The following IDI2 variants were observed in gnomAD, a reference collection of about 807,000 sequenced individuals.
The protein encoded by IDI2 is isopentenyl-diphosphate delta isomerase 2, also known as isopentenyl-diphosphate delta-isomerase 2.
In IDI2, 18 loss-of-function variants were observed where a neutral mutation model predicts 14.8. The ratio of observed to expected loss-of-function variants is 1.22; its 90% CI spans 0.84 to 1.80. The LOEUF is 1.80. Ranked by LOEUF, IDI2 falls within the 40% of genes most tolerant of loss-of-function variation. IDI2 has a pLI of 0.00. For synonymous variants in IDI2, 133 were observed against 109.6 expected, an observed-to-expected ratio of 1.21 and a Z score of -1.33; for missense variants, 316 against 283.2, an observed-to-expected ratio of 1.12 and a Z score of -0.83.
rs1362495261 is a variant in IDI2 at position 1,019,772 on chromosome 10, A to G, written c.429T>C (p.Ile143=). 2 of 1,613,986 alleles carry G rather than the reference A, an allele frequency of 1.2e-6. No individual in the cohort carries two copies. Among genetic ancestry groups the G allele is most frequent in the Middle Eastern group, 1.6e-4 (1 of 6,062 alleles). The change falls in exon 5 of 5, where the codon ATT becomes ATC. Residue 143 remains isoleucine (I), a synonymous_variant. Transcript: ENST00000277517. ...IYHHKAKSDR[I]WGEHEICYLL... is the part of the protein sequence containing the mutation. ...GGTAACAAATTTCATGCTCTCCCCAAATTCTGTCTGATTTTGCCTTGTGGT... is the reference window on the plus strand; with the variant it reads ...GGTAACAAATTTCATGCTCTCCCCAGATTCTGTCTGATTTTGCCTTGTGGT...
At chr10:1,025,580 T>C (rs1832203120) in intron 1 of IDI2, among the ~76,000 whole-genome samples, 1 of 152,050 alleles carries the variant, frequency 6.6e-6, no homozygotes, top group African/African-American at 2.4e-5. Flanking sequence ...GTCATTTATC[T>C]TCATGTAAAA....
intron 2 of IDI2, among the ~76,000 whole-genome samples, 168 bp from the exon 3 acceptor site, chr10:1,022,943 C>T (rs558258999): frequency 1.6e-4 from 24 of 152,200 alleles, no homozygotes; most frequent in Admixed American, 1.2e-3. Context: ...AGAATCTCAG[C>T]GGATTAGAAC....
intron 1 of IDI2, 94 bp from the exon 2 acceptor site, chr10:1,024,838 A>G: frequency 8.7e-7 from 1 of 1,154,090 alleles, no homozygotes; most frequent in Non-Finnish European, 1.3e-6. Flanking sequence ...TTTAGCATAC[A>G]CCTTCTCTAC....
At chr10:1,020,716 C>CATTAAAAAAAAAA in intron 4 of IDI2, 51 bp downstream of exon 4, 7 of 1,543,608 alleles carry the variant, frequency 4.5e-6, no homozygotes, top group African/African-American at 4.1e-5. Context: ...CGTCTGCCCG[C>CATTAAAAAAAAAA]TGCCAACCTG....
chr10:1,025,051 C>CACACACAA (rs1171753367), intron 1 of IDI2, among the ~76,000 whole-genome samples: 5 of 137,880 alleles, frequency 3.6e-5, no homozygotes, highest in South Asian at 4.6e-4. Flanking sequence ...CACACACACA[C>CACACACAA]AAAACACACC....
At chr10:1,023,096 T>C (rs1045293616) in intron 2 of IDI2, among the ~76,000 whole-genome samples, 5 of 152,156 alleles carry the variant, frequency 3.3e-5, no homozygotes, top group Non-Finnish European at 7.4e-5. Flanking sequence ...AGCCAAGATA[T>C]GAGATCAACC....
intron 4 of IDI2, among the ~76,000 whole-genome samples, chr10:1,020,184 G>A (rs1234527846): frequency 6.6e-6 from 1 of 151,768 alleles, no homozygotes; most frequent in Non-Finnish European, 1.5e-5. Context: ...GGTAACACAT[G>A]CTCACAGGAT....
intron 2 of IDI2, among the ~76,000 whole-genome samples, chr10:1,024,032 G>A (rs1337860228): frequency 6.6e-6 from 1 of 152,174 alleles, no homozygotes; most frequent in Non-Finnish European, 1.5e-5. Flanking sequence ...ACCAGAGCTG[G>A]ACAGGAGTTA....
intron 4 of IDI2, 98 bp from the exon 5 acceptor site, chr10:1,019,932 A>G (rs1391529082): frequency 2.1e-6 from 2 of 944,648 alleles, no homozygotes; most frequent in East Asian, 2.4e-5. Context: ...TCCTCAGAAA[A>G]TGAACACTTT....
chr10:1,019,469 T>C lies in IDI2; in HGVS notation c.*48A>G. On this transcript the variant is annotated 3_prime_UTR_variant, in exon 5 of 5. Transcript: ENST00000277517. ...TGTATCATTGCCTCAATGGTGCGTC[T>C]GCCTGCACTGAGGGCATTACACATG... 6.7e-7 allele frequency: 1 copy of C among 1,482,550 alleles called. No individual in the cohort carries two copies. Among genetic ancestry groups the C allele is most frequent in the Non-Finnish European group, 9.2e-7 (1 of 1,086,614 alleles). 91.8% of individuals were successfully genotyped at this position (1,482,550 alleles called of 1,614,324 possible).
rs770986683 is a variant in IDI2 at position 1,020,750 on chromosome 10, C to G, written c.366+17G>C. On this transcript the variant is annotated intron_variant, in intron 4 of 4. Transcript: ENST00000277517. ...TGGACTCCCGTGGACACAGCTGAGA[C>G]TGGATGCTGTGTGTACCTGCTCCCC... 8.7e-6 allele frequency: 14 copies of G among 1,602,436 alleles called. No individual in the cohort carries two copies. The African/African-American group carries it at 1.7e-4, about 20-fold the overall frequency.
chr10:1,022,478 TCTTA>T (rs934161671), intron 3 of IDI2, among the ~76,000 whole-genome samples: 69 of 152,248 alleles, frequency 4.5e-4, no homozygotes, highest in African/African-American at 1.6e-3. Flanking sequence ...TCATATAGTT[TCTTA>T]CTTTTTTAAA....
Position 1,019,563 on chromosome 10 carries a change from T to A in IDI2, c.638A>T (p.Asp213Val). 6.2e-7 allele frequency: 1 copy of A among 1,613,940 alleles called. No homozygotes were observed. Among genetic ancestry groups the A allele is most frequent in the Non-Finnish European group, 8.5e-7 (1 of 1,179,958 alleles). ...RFLYRWWPHL[D>V]DVTPFVELHK... ...AAGCTCCACAAACGGGGTCACGTCA[T>A]CCAGGTGAGGCCACCACCGGTACAG... Residue 213 changes from aspartate (D) to valine (V), a missense_variant, in exon 5 of 5, where the codon GAT becomes GTT. Physicochemically the swap from Asp to Val is radical, Grantham distance 152. Transcript: ENST00000277517.
intron 3 of IDI2, among the ~76,000 whole-genome samples, chr10:1,021,315 C>T (rs1832095151): frequency 6.6e-6 from 1 of 152,228 alleles, no homozygotes; most frequent in East Asian, 1.9e-4. Context: ...GGAAGCTGGG[C>T]TGCACTTTGA....
chr10:1,021,034 T>A, intron 3 of IDI2, 137 bp from the exon 4 acceptor site: 1 of 949,604 alleles, frequency 1.1e-6, no homozygotes, highest in Non-Finnish European at 1.5e-6. Context: ...GGGTTTGTCA[T>A]GGGCTCTCAG....
At chr10:1,024,150 T>C (rs1832168737) in intron 2 of IDI2, among the ~76,000 whole-genome samples, 2 of 152,156 alleles carry the variant, frequency 1.3e-5, no homozygotes, top group African/African-American at 2.4e-5. Context: ...CTGGGGCCTA[T>C]GGATTAAAAG....
chr10:1,020,034 G>A, intron 4 of IDI2, 200 bp from the exon 5 acceptor site: 2 of 588,780 alleles, frequency 3.4e-6, no homozygotes, highest in Non-Finnish European at 6.0e-6. Flanking sequence ...TTGGTTTCTT[G>A]GTTCCAGTAA....
intron 3 of IDI2, 83 bp from the exon 4 acceptor site, chr10:1,020,980 AACC>A: frequency 6.9e-7 from 1 of 1,452,418 alleles, no homozygotes; most frequent in East Asian, 2.4e-5. Flanking sequence ...CTTCATGTAA[AACC>A]ATCATCCGTC....
chr10:1,024,544 A>G, intron 2 of IDI2, 38 bp downstream of exon 2: 1 of 1,606,310 alleles, frequency 6.2e-7, no homozygotes, highest in African/African-American at 1.3e-5. Flanking sequence ...AAATGGGAAA[A>G]CCCTGGGAAC....
Sources: gnomAD v4.1 joint callset for allele counts (sites outside exome capture counted in the v4.1 genomes callset) on GRCh38, gnomAD v4.1.1 for gene constraint, MANE v1.5 for transcripts, NCBI Gene and HGNC (gene_info 2026-07-23, HGNC 2026-07-21) for gene names.